Variants in PBX1 observed in about 807,000 individuals in gnomAD.
PBX1 encodes PBX homeobox 1.
Under a neutral mutation model 53.4 loss-of-function variants are expected in PBX1, and 6 were observed. The ratio of observed to expected loss-of-function variants is 0.11; its 90% CI spans 0.06 to 0.22. The LOEUF is 0.22. Among genes scored for constraint, PBX1 ranks in the 10% least tolerant of loss-of-function variants. The probability of loss-of-function intolerance (pLI) is 1.00; values close to 1 mark genes in which losing one functional copy is unlikely to be tolerated. For synonymous variants in PBX1, 204 were observed against 212.3 expected (o/e 0.96, Z 0.34); for missense variants, 251 against 551.4 (o/e 0.46, Z 5.46).
intron 2 of PBX1, among the ~76,000 whole-genome samples, chr1:164,790,633 A>G (rs1668452148): frequency 6.6e-6 from 1 of 151,708 alleles, no homozygotes; most frequent in African/African-American, 2.4e-5. Flanking sequence ...TATGGCCACC[A>G]CTGATCCACA....
intron 2 of PBX1, among the ~76,000 whole-genome samples, chr1:164,772,524 G>A (rs1667427301): frequency 6.6e-6 from 1 of 152,218 alleles, no homozygotes; most frequent in African/African-American, 2.4e-5. Flanking sequence ...ACACTCCAGT[G>A]CAGAGAGTGA....
At chr1:164,874,651 G>A (rs1268063351) in intron 2 of PBX1, among the ~76,000 whole-genome samples, 2 of 151,906 alleles carry the variant, frequency 1.3e-5, no homozygotes, top group East Asian at 1.9e-4. Context: ...ACGTCACCAC[G>A]CCCAGCTAAT....
At chr1:164,778,816 G>A (rs1667794441) in intron 2 of PBX1, among the ~76,000 whole-genome samples, 1 of 152,108 alleles carries the variant, frequency 6.6e-6, no homozygotes. Flanking sequence ...GCTACTTGGG[G>A]TTCAACCCTA....
chr1:164,686,229 C>T (rs1662085055), intron 2 of PBX1, among the ~76,000 whole-genome samples: 1 of 152,188 alleles, frequency 6.6e-6, no homozygotes, highest in African/African-American at 2.4e-5. Context: ...GTACTCTTTT[C>T]AGATGAAAGT....
chr1:164,767,702 G>A (rs1027153270), intron 2 of PBX1, among the ~76,000 whole-genome samples: 3 of 151,862 alleles, frequency 2.0e-5, no homozygotes, highest in Admixed American at 6.6e-5. Flanking sequence ...CTCAGATTTG[G>A]TTCATTTTCA....
In PBX1 at chr1:164,841,867, C is replaced by T. The variant is rs1671314245; in HGVS notation, c.1201-4717C>T. Among the ~76,000 whole-genome samples, 3 of 152,140 alleles carry T rather than the reference C, an allele frequency of 2.0e-5. No individual in the cohort carries two copies. The South Asian group carries it at 6.2e-4, about 31-fold the overall frequency. On this transcript the variant is annotated intron_variant, in intron 8 of 8. Transcript: ENST00000420696. ...GATTGAGGGGCTGGAGCACGTGCAG[C>T]TCCTCACCCACGCTGAAGGCATCTC... is the stretch of plus-strand genomic sequence containing the variant.
rs548187093 is a variant in PBX1, at chr1:164,630,480, C to T, written c.265+67169C>T. ...AGCAATTCGTGATTTGCTATCAGTA[C>T]ATCTGTCAATCTGTAATATTACACT... is the stretch of plus-strand genomic sequence containing the variant. On this transcript the variant is annotated intron_variant, in intron 2 of 8. Coordinates refer to ENST00000420696, the MANE Select transcript of PBX1 (RefSeq NM_002585.4). Among the ~76,000 whole-genome samples, 4 of 152,242 alleles carry T rather than the reference C, an allele frequency of 2.6e-5. 1 individual carries two copies. Among genetic ancestry groups the T allele is most frequent in the Admixed American group, 2.6e-4 (4 of 15,288 alleles).
intron 2 of PBX1, among the ~76,000 whole-genome samples, chr1:164,575,418 A>C (rs1467351038): frequency 6.6e-6 from 1 of 152,218 alleles, no homozygotes; most frequent in Non-Finnish European, 1.5e-5. Flanking sequence ...TCTTGCTTTG[A>C]GACAGGTTGA....
chr1:164,876,005 T>TATATATATATATATATATATATAC lies in PBX1; in HGVS notation n.258-23182_258-23181insTATATATATATATATATATATACA, dbSNP rs1487676214. ...GTGTATGTGTATATATATATATATATACACACATACACCAAATGGTTTTTT... is the reference window on the plus strand; with the variant it reads ...GTGTATGTGTATATATATATATATATATATATATATATATATATATATACACACACATACACCAAATGGTTTTTT... On this transcript the variant is annotated intron_variant and non_coding_transcript_variant, in intron 2 of 2. Coordinates refer to the PBX1 transcript ENST00000558796. Among the ~76,000 whole-genome samples, 34 of 56,830 alleles carry TATATATATATATATATATATATAC rather than the reference T, an allele frequency of 6.0e-4. 3 individuals are homozygous for TATATATATATATATATATATATAC. The South Asian group carries it at 0.016, about 27-fold the overall frequency. 37.3% of individuals were successfully genotyped at this position (56,830 alleles called of 152,430 possible). A position where few individuals can be genotyped will look rare whatever the true frequency, so the allele number is the denominator to read the frequency against.
chr1:164,798,381 T>A (rs1000060645), intron 3 of PBX1, among the ~76,000 whole-genome samples: 2 of 152,266 alleles, frequency 1.3e-5, no homozygotes, highest in Admixed American at 1.3e-4. Context: ...TTGTTGTGAA[T>A]CTAATATAGT....
intron 2 of PBX1, among the ~76,000 whole-genome samples, chr1:164,709,421 A>G (rs1373312741): frequency 3.3e-5 from 5 of 152,090 alleles, no homozygotes; most frequent in Non-Finnish European, 5.9e-5. Flanking sequence ...AAAAAGGGGG[A>G]AAAACACTTT....
intron 6 of PBX1, chr1:164,815,952 G>A (rs574521292): frequency 6.6e-6 from 1 of 152,174 alleles, no homozygotes; most frequent in Non-Finnish European, 1.5e-5. Flanking sequence ...TGCCCTATGA[G>A]AAGTTTTTAT....
chr1:164,804,943 A>T (rs1315513826), intron 4 of PBX1, among the ~76,000 whole-genome samples: 1 of 152,218 alleles, frequency 6.6e-6, no homozygotes, highest in Non-Finnish European at 1.5e-5. Context: ...GTTTGTTTGA[A>T]GATGCTTGGA....
chr1:164,706,959 G>A (rs1202219441), intron 2 of PBX1, among the ~76,000 whole-genome samples: 1 of 152,210 alleles, frequency 6.6e-6, no homozygotes, highest in Non-Finnish European at 1.5e-5. Flanking sequence ...TAAATTCCCA[G>A]GGAAGATTTA....
downstream of PBX1, among the ~76,000 whole-genome samples, chr1:164,855,244 G>T (rs906204856): frequency 2.0e-5 from 3 of 152,038 alleles, no homozygotes; most frequent in Non-Finnish European, 4.4e-5. Context: ...CCACGCCTAG[G>T]TTCCTCTCTT....
At chr1:164,814,337 G>A (rs566010303) in intron 6 of PBX1, 2 of 152,306 alleles carry the variant, frequency 1.3e-5, no homozygotes, top group African/African-American at 4.8e-5. Context: ...TTTTGGCAGA[G>A]TTTGAAGTCT....
At chr1:164,575,865 G>A (rs1654189777) in intron 2 of PBX1, among the ~76,000 whole-genome samples, 1 of 148,962 alleles carries the variant, frequency 6.7e-6, no homozygotes, top group Admixed American at 6.7e-5. Flanking sequence ...GGAAGGAAAT[G>A]TCTGGGTGGG....
intron 2 of PBX1, among the ~76,000 whole-genome samples, chr1:164,754,036 G>A (rs1403924148): frequency 2.0e-5 from 3 of 152,182 alleles, no homozygotes; most frequent in African/African-American, 7.2e-5. Flanking sequence ...CACTGGAAGG[G>A]TGGGCTTGGG....
intron 8 of PBX1, among the ~76,000 whole-genome samples, chr1:164,838,816 A>G (rs555286050): frequency 5.9e-5 from 9 of 152,306 alleles, no homozygotes; most frequent in African/African-American, 2.2e-4. Context: ...ATTCACAGGA[A>G]CGAGACACCA....
Sources: gnomAD v4.1 joint callset for allele counts (sites outside exome capture counted in the v4.1 genomes callset) on GRCh38, gnomAD v4.1.1 for gene constraint, MANE v1.5 for transcripts, NCBI Gene and HGNC (gene_info 2026-07-23, HGNC 2026-07-21) for gene names.